Variants in TMEM184A observed in about 807,000 individuals in gnomAD.
The protein encoded by TMEM184A is transmembrane protein 184A, also known as sexually dimorphic, expressed in male gonads 1.
A neutral mutation model predicts 39.5 loss-of-function variants in TMEM184A; 40 were observed. That is an observed-to-expected ratio of 1.01 (90% CI 0.79 to 1.32). The LOEUF is 1.32. Ranked by LOEUF, TMEM184A falls within the 40% of genes most tolerant of loss-of-function variation. The pLI is 0.00. For synonymous variants in TMEM184A, 280 were observed against 252.3 expected, an observed-to-expected ratio of 1.11 and a Z score of -1.04; for missense variants, 603 against 568.8, an observed-to-expected ratio of 1.06 and a Z score of -0.61.
intron 6 of TMEM184A, 54 bp from the exon 7 acceptor site, chr7:1,548,742 C>T: frequency 6.3e-7 from 1 of 1,594,064 alleles, no homozygotes; most frequent in Non-Finnish European, 8.5e-7. Flanking sequence ...GCCACTGTCC[C>T]CACCCTAGAG....
At chr7:1,549,502 C>T (rs570497737) in intron 6 of TMEM184A, 323 of 482,460 alleles carry the variant, frequency 6.7e-4, no homozygotes, top group Non-Finnish European at 1.2e-3. Flanking sequence ...TGGCCAGAAG[C>T]CCTGGGGTCC....
chr7:1,554,907 C>A, intron 2 of TMEM184A, among the ~76,000 whole-genome samples: 1 of 152,204 alleles, frequency 6.6e-6, no homozygotes, highest in East Asian at 1.9e-4. Flanking sequence ...AAGGAGAAGG[C>A]CCCTTCCCCT....
intron 7 of TMEM184A, among the ~76,000 whole-genome samples, 179 bp downstream of exon 7, chr7:1,548,340 G>A (rs1179319191): frequency 6.6e-6 from 1 of 152,156 alleles, no homozygotes; most frequent in Non-Finnish European, 1.5e-5. Flanking sequence ...CCCCCGTGCT[G>A]GCGGGACCTC....
intron 6 of TMEM184A, chr7:1,548,906 G>A (rs894164629): frequency 1.4e-5 from 10 of 696,174 alleles, no homozygotes; most frequent in Non-Finnish European, 2.3e-5. Flanking sequence ...GGTAGGGCAG[G>A]GACGTGGCCG....
At chr7:1,549,553 C>T (rs974903139) in intron 6 of TMEM184A, 16 of 530,792 alleles carry the variant, frequency 3.0e-5, no homozygotes, top group Non-Finnish European at 5.6e-5. Flanking sequence ...TCACCCCAGC[C>T]GTGTCCTGTG....
At position 1,550,132 on chromosome 7, in the gene TMEM184A, G is replaced by T. The variant is rs1465691849; in HGVS notation, c.543C>A (p.Phe181Leu). 6.2e-7 allele frequency: 1 copy of T among 1,604,708 alleles called. No homozygotes were observed. Among genetic ancestry groups the T allele is most frequent in the Non-Finnish European group, 8.5e-7 (1 of 1,176,504 alleles). The change falls in exon 5 of 9, where the codon TTC becomes TTA. Residue 181 changes from phenylalanine (F) to leucine (L), a missense_variant. Coordinates refer to ENST00000297477, the MANE Select transcript of TMEM184A (RefSeq NM_001097620.2). The part of the protein sequence containing the change: ...GMTYSIGFLR[F>L]CKQATLQFCL... ...CTGGGTGGCCCCTCACCTGCTTACAGAAGCGCAGGAACCCGATGGAGTAGG... is the reference window on the plus strand; with the variant it reads ...CTGGGTGGCCCCTCACCTGCTTACATAAGCGCAGGAACCCGATGGAGTAGG...
intron 7 of TMEM184A, 69 bp from the exon 8 acceptor site, chr7:1,548,008 C>T (rs1377801162): frequency 2.0e-6 from 3 of 1,490,012 alleles, no homozygotes; most frequent in Non-Finnish European, 2.7e-6. Flanking sequence ...GGCCCCAGAC[C>T]CCGCAGCGGC....
rs769412839 is a variant in TMEM184A at position 1,550,149 on chromosome 7, T to C, written c.526A>G (p.Ile176Val). 1.9e-6 allele frequency: 3 copies of C among 1,607,570 alleles called. No homozygotes were observed. The highest frequency in any genetic ancestry group is 1.7e-4 in the Middle Eastern group (1 of 5,982). Residue 176 changes from isoleucine to valine, a missense_variant, in exon 5 of 9, where the codon ATC (isoleucine) becomes GTC (valine). Physicochemically the swap from Ile to Val is conservative, Grantham distance 29. Coordinates refer to ENST00000297477, the MANE Select transcript of TMEM184A (RefSeq NM_001097620.2). Reference protein sequence around the residue: ...TCCLRGMTYSIGFLRFCKQAT... With the variant: ...TCCLRGMTYSVGFLRFCKQAT... Reference sequence around the variant, plus strand: ...TGCTTACAGAAGCGCAGGAACCCGATGGAGTAGGTCATGCCCCGGAGGCAG... The same window carrying C: ...TGCTTACAGAAGCGCAGGAACCCGACGGAGTAGGTCATGCCCCGGAGGCAG...
intron 2 of TMEM184A, among the ~76,000 whole-genome samples, chr7:1,552,848 A>C (rs922845162): frequency 6.6e-6 from 1 of 152,178 alleles, no homozygotes; most frequent in Non-Finnish European, 1.5e-5. Context: ...TGAGCTCAGG[A>C]GTTCGAGACC....
chr7:1,555,084 C>T lies in TMEM184A; in HGVS notation c.219+182G>A, dbSNP rs1215533134. 6.6e-6 allele frequency among the ~76,000 whole-genome samples: 1 copy of T among 152,108 alleles called. No homozygotes were observed. Among genetic ancestry groups the T allele is most frequent in the Non-Finnish European group, 1.5e-5 (1 of 67,998 alleles). ...GCCCTCAGCCTGGCAGAGATCTCCCCATTTTCAGGCCCAGCTCCCACATGC... is the reference window on the plus strand; with the variant it reads ...GCCCTCAGCCTGGCAGAGATCTCCCTATTTTCAGGCCCAGCTCCCACATGC... On this transcript the variant is annotated intron_variant, in intron 2 of 8. Coordinates refer to ENST00000297477, the MANE Select transcript of TMEM184A (RefSeq NM_001097620.2). The surrounding 1 kb of genome is among the most constrained non-coding windows in gnomAD (Gnocchi z 5.2).
chr7:1,547,738 G>A lies in TMEM184A; in HGVS notation c.1012+4C>T. 1 of 1,611,128 alleles carries A rather than the reference G, an allele frequency of 6.2e-7. No individual in the cohort carries two copies. The highest frequency in any genetic ancestry group is 8.5e-7 in the Non-Finnish European group (1 of 1,179,132). On this transcript the variant is annotated splice_donor_region_variant and intron_variant, in intron 8 of 8. Transcript: ENST00000297477. ...GGGTGCCCCAGCTGGAAGGCAGGGT[G>A]TACCTGGTGAATTCTCCTTCTTCTC...
In TMEM184A at chr7:1,549,536, G is replaced by A. The variant is rs368762818; in HGVS notation, c.644+318C>T. ...CCTCGGCGCAGATGCTGGCACAGAC[G>A]CTAGACTCACCCCAGCCGTGTCCTG... On this transcript the variant is annotated intron_variant, in intron 6 of 8. Coordinates refer to ENST00000297477, the MANE Select transcript of TMEM184A (RefSeq NM_001097620.2). The A allele has an allele frequency of 1.2e-4, 60 of 509,204 alleles. 4 individuals are homozygous for A. The highest frequency in any genetic ancestry group is 6.2e-4 in the African/African-American group (32 of 51,702). The allele number at this position is 509,204 out of a possible 1,614,324, so 31.5% of individuals were successfully genotyped here.
chr7:1,550,202 C>CG lies in TMEM184A; in HGVS notation c.477-5dup. On this transcript the variant is annotated splice_polypyrimidine_tract_variant and splice_region_variant and intron_variant, in intron 4 of 8. Transcript: ENST00000297477. ...GGTGCCGTACAAGCAGCTGGACCTGCGGGGGACGTCCCTGAGCCGGTGCGG... is the reference window on the plus strand; with the variant it reads ...GGTGCCGTACAAGCAGCTGGACCTGCGGGGGGACGTCCCTGAGCCGGTGCGG... 6.2e-7 allele frequency: 1 copy of CG among 1,606,580 alleles called. No homozygotes were observed. The highest frequency in any genetic ancestry group is 8.5e-7 in the Non-Finnish European group (1 of 1,177,230).
chr7:1,548,010 C>T (rs545978249), intron 7 of TMEM184A, 71 bp from the exon 8 acceptor site: 14 of 1,485,738 alleles, frequency 9.4e-6, no homozygotes, highest in African/African-American at 4.2e-5. Context: ...CCCCAGACCC[C>T]GCAGCGGCTC....
In TMEM184A at chr7:1,545,163, G is replaced by T. The variant is rs1172591099; in HGVS notation, c.*1789C>A. 1 of 152,206 alleles carries T rather than the reference G, an allele frequency of 6.6e-6. No homozygotes were observed. Among genetic ancestry groups the T allele is most frequent in the African/African-American group, 2.4e-5 (1 of 41,440 alleles). 9.4% of individuals were successfully genotyped at this position (152,206 alleles called of 1,614,324 possible). ...TCCAGAAACTGCCCCTCGGCAGCAG[G>T]TCCCTGGGGACCTGCTGACAGAGTG... On this transcript the variant is annotated 3_prime_UTR_variant, in exon 9 of 9. Transcript: ENST00000297477.
chr7:1,553,006 G>C (rs2128555174), intron 2 of TMEM184A, among the ~76,000 whole-genome samples: 1 of 152,234 alleles, frequency 6.6e-6, no homozygotes, highest in East Asian at 1.9e-4. Flanking sequence ...AGTGAGCACT[G>C]ATTGTGCCAC....
At chr7:1,551,575 A>G (rs771862386) in intron 2 of TMEM184A, among the ~76,000 whole-genome samples, 2 of 152,250 alleles carry the variant, frequency 1.3e-5, no homozygotes, top group Non-Finnish European at 2.9e-5. Context: ...AGAAGTACAT[A>G]TAAGTATGAA....
At chr7:1,552,110 T>G (rs1249860242) in intron 2 of TMEM184A, among the ~76,000 whole-genome samples, 3 of 151,952 alleles carry the variant, frequency 2.0e-5, no homozygotes, top group African/African-American at 7.3e-5. Context: ...TGCTGAGTAT[T>G]GGGACTACAG....
At position 1,550,173 on chromosome 7, in the gene TMEM184A, A is replaced by G. The variant is rs1784532047; in HGVS notation, c.502T>C (p.Cys168Arg). 3.1e-6 allele frequency: 5 copies of G among 1,608,624 alleles called. No individual in the cohort carries two copies. The highest frequency in any genetic ancestry group is 1.1e-5 in the South Asian group (1 of 90,554). The change falls in exon 5 of 9, where the codon TGC becomes CGC. Residue 168 changes from cysteine to arginine, a missense_variant. By Grantham distance (180) the Cys-to-Arg change is radical (BLOSUM62 -3). Transcript: ENST00000297477. ...ATGGAGTAGGTCATGCCCCGGAGGC[A>G]GCAGGTGCCGTACAAGCAGCTGGAC... ...IKSSCLYGTC[C>R]LRGMTYSIGF...
Sources: allele counts gnomAD v4.1 joint callset (sites outside exome capture counted in the v4.1 genomes callset), GRCh38; gene constraint gnomAD v4.1.1; non-coding constraint Gnocchi (gnomAD v3.1); transcripts MANE v1.5; gene names NCBI Gene and HGNC (gene_info 2026-07-23, HGNC 2026-07-21).